The following PPIH variants were observed in gnomAD, a reference collection of about 807,000 sequenced individuals.
PPIH encodes the protein peptidylprolyl isomerase H, also known as peptidyl-prolyl cis-trans isomerase H.
Under a neutral mutation model 27.6 loss-of-function variants are expected in PPIH, and 16 were observed. The ratio of observed to expected loss-of-function variants is 0.58; its 90% confidence interval spans 0.39 to 0.88. The LOEUF is 0.88. PPIH is among the 40% of genes least tolerant of loss of function. The pLI, the probability that PPIH is intolerant of heterozygous loss-of-function variation, is 0.00. For missense variants in PPIH, 155 were observed against 224.1 expected (o/e 0.69, Z 1.97); for synonymous variants, 63 against 76.1 (o/e 0.83, Z 0.90).
At chr1:42,674,172 C>A (rs1330004629) in intron 9 of PPIH, among the ~76,000 whole-genome samples, 1 of 152,192 alleles carries the variant, frequency 6.6e-6, no homozygotes, top group Non-Finnish European at 1.5e-5. Flanking sequence ...GGTTTTAGAA[C>A]AAGGTGAGGA....
intron 2 of PPIH, 128 bp downstream of exon 2, chr1:42,659,036 T>A: frequency 7.7e-7 from 1 of 1,300,494 alleles, no homozygotes; most frequent in Non-Finnish European, 1.1e-6. Context: ...CTCCATGCAT[T>A]GCTCTGTCTG....
chr1:42,659,004 C>T, intron 2 of PPIH, 96 bp downstream of exon 2: 1 of 1,426,248 alleles, frequency 7.0e-7, no homozygotes. Context: ...TCCGTCCGCT[C>T]ACTGCTCTTG....
At chr1:42,674,169 G>C (rs904866556) in intron 9 of PPIH, among the ~76,000 whole-genome samples, 5 of 152,230 alleles carry the variant, frequency 3.3e-5, no homozygotes, top group African/African-American at 4.8e-5. Context: ...GGAGGTTTTA[G>C]AACAAGGTGA....
At chr1:42,664,684 C>T (rs552183652) in intron 5 of PPIH, among the ~76,000 whole-genome samples, 179 bp from the exon 6 acceptor site, 2 of 152,216 alleles carry the variant, frequency 1.3e-5, no homozygotes, top group South Asian at 2.1e-4. Context: ...GCTGTAGGTA[C>T]CTTATATAAG....
intron 1 of PPIH, 100 bp downstream of exon 1, chr1:42,658,612 A>T: frequency 7.1e-7 from 1 of 1,399,456 alleles, no homozygotes. Context: ...GAAGCCAGCC[A>T]GAAAGTGAAA....
intron 9 of PPIH, among the ~76,000 whole-genome samples, chr1:42,668,894 T>C (rs1425984811): frequency 2.0e-5 from 3 of 152,148 alleles, no homozygotes; most frequent in Admixed American, 6.5e-5. Context: ...TCTTAGTTCA[T>C]GTAAAACCAC....
intron 4 of PPIH, 123 bp from the exon 5 acceptor site, chr1:42,660,739 G>T: frequency 1.1e-6 from 1 of 906,014 alleles, no homozygotes; most frequent in South Asian, 1.8e-5. Context: ...TAAGAGTAAT[G>T]ATTTTATAAT....
rs994892501 is a variant in PPIH at position 42,664,894 on chromosome 1, G to A, written c.275G>A (p.Arg92Gln). The A allele has an allele frequency of 4.3e-6, 7 of 1,613,276 alleles. No individual in the cohort carries two copies. The highest frequency in any genetic ancestry group is 5.9e-6 in the Non-Finnish European group (7 of 1,179,700). The change falls in exon 6 of 10, where the codon CGG (arginine) becomes CAG (glutamine). Residue 92 changes from arginine to glutamine, a missense_variant. Arg to Gln is a conservative substitution (Grantham distance 43, BLOSUM62 1). Coordinates refer to ENST00000304979, the MANE Select transcript of PPIH (RefSeq NM_006347.4). ...GDGTGVASIY[R>Q]GPFADENFKL... ...GGTACTGGAGTCGCCAGTATTTACC[G>A]GGGGCCATTTGCAGATGAAAATTTT...
chr1:42,665,471 G>A (rs1649281254), intron 6 of PPIH, among the ~76,000 whole-genome samples: 1 of 152,120 alleles, frequency 6.6e-6, no homozygotes. Flanking sequence ...GCAGGCTGGG[G>A]AACTAAAATC....
downstream of PPIH, among the ~76,000 whole-genome samples, chr1:42,679,495 C>T (rs1557524665): frequency 6.6e-6 from 1 of 152,220 alleles, no homozygotes; most frequent in Admixed American, 6.5e-5. Flanking sequence ...AAACTAGTTT[C>T]TTAAACAGCT....
downstream of PPIH, among the ~76,000 whole-genome samples, chr1:42,678,283 C>G (rs1649946357): frequency 6.6e-6 from 1 of 152,186 alleles, no homozygotes; most frequent in Non-Finnish European, 1.5e-5. Context: ...AGTCTCTGTC[C>G]TAGGCCCTGG....
intron 5 of PPIH, among the ~76,000 whole-genome samples, chr1:42,663,993 C>G (rs919537461): frequency 1.3e-5 from 2 of 152,046 alleles, no homozygotes; most frequent in African/African-American, 4.8e-5. Context: ...GTTTTATTAC[C>G]CAGACTTCAG....
intron 2 of PPIH, 89 bp downstream of exon 2, chr1:42,658,997 G>A: frequency 6.9e-7 from 1 of 1,441,344 alleles, no homozygotes; most frequent in Non-Finnish European, 9.7e-7. Context: ...ACCTCTGTCC[G>A]TCCGCTCACT....
intron 9 of PPIH, among the ~76,000 whole-genome samples, chr1:42,672,874 C>G (rs551480031): frequency 1.3e-5 from 2 of 152,296 alleles, no homozygotes; most frequent in East Asian, 3.9e-4. Flanking sequence ...GTCTCAAACT[C>G]CTGATCTCAT....
chr1:42,666,897 A>G (rs1649372390), intron 8 of PPIH, among the ~76,000 whole-genome samples: 1 of 152,050 alleles, frequency 6.6e-6, no homozygotes, highest in Non-Finnish European at 1.5e-5. Context: ...TTCCAGTCAC[A>G]TCAGGCTACT....
chr1:42,677,546 T>G (rs1649927186), downstream of PPIH, among the ~76,000 whole-genome samples: 1 of 152,194 alleles, frequency 6.6e-6, no homozygotes, highest in Admixed American at 6.5e-5. Context: ...CTGTAGCTCC[T>G]GCCTATAATC....
At chr1:42,679,301 C>G (rs1391969689), downstream of PPIH, among the ~76,000 whole-genome samples, 1 of 152,206 alleles carries the variant, frequency 6.6e-6, no homozygotes, top group East Asian at 1.9e-4. Context: ...GCGATTCTCC[C>G]TCCTCAAACT....
intron 5 of PPIH, among the ~76,000 whole-genome samples, chr1:42,663,517 C>A (rs1649163928): frequency 6.6e-6 from 1 of 152,108 alleles, no homozygotes; most frequent in South Asian, 2.1e-4. Context: ...TCTCGTGCCT[C>A]AGCCTCCCGA....
At chr1:42,679,816 TG>T (rs1170226053), downstream of PPIH, among the ~76,000 whole-genome samples, 1 of 152,230 alleles carries the variant, frequency 6.6e-6, no homozygotes, top group African/African-American at 2.4e-5. Flanking sequence ...CATCTGGAGC[TG>T]GAACACATGA....
Sources: allele counts gnomAD v4.1 joint callset (sites outside exome capture counted in the v4.1 genomes callset), GRCh38; gene constraint gnomAD v4.1.1; transcripts MANE v1.5; gene names NCBI Gene and HGNC (gene_info 2026-07-23, HGNC 2026-07-21).